Variants in LCORL observed in about 807,000 individuals in gnomAD.
LCORL encodes the protein ligand-dependent nuclear receptor corepressor-like protein.
A neutral mutation model predicts 141.8 loss-of-function variants in LCORL; 41 were observed. The observed-to-expected ratio is 0.29, with a 90% CI of 0.23 to 0.38. The LOEUF (loss-of-function observed/expected upper bound fraction) is 0.38, where lower values mean the gene tolerates loss of function less well. Ranked by LOEUF, LCORL falls within the 10% of genes least tolerant of loss-of-function variation. The probability of loss-of-function intolerance (pLI) is 1.00; values close to 1 mark genes in which losing one functional copy is unlikely to be tolerated. For synonymous variants in LCORL, 618 were observed against 694.1 expected (o/e 0.89, Z 1.72); for missense variants, 1,759 against 2,035.0 (o/e 0.86, Z 2.61).
intron 1 of LCORL, among the ~76,000 whole-genome samples, chr4:17,991,330 G>A (rs1031049158): frequency 2.6e-5 from 4 of 152,020 alleles, no homozygotes; most frequent in Admixed American, 1.3e-4. Context: ...TAAGGAAGGC[G>A]CCTCTAATTA....
At chr4:17,850,041 T>A (rs1392635601) in intron 7 of LCORL, among the ~76,000 whole-genome samples, 2 of 150,950 alleles carry the variant, frequency 1.3e-5, no homozygotes, top group African/African-American at 2.4e-5. Context: ...AGGGATTCCC[T>A]ATTTAATAAA....
exon 8 of LCORL, chr4:17,843,739 CT>C: frequency 5.6e-6 from 1 of 177,044 alleles, no homozygotes; most frequent in Non-Finnish European, 1.2e-5. Context: ...TTATGGAAAA[CT>C]TACAAGTGTA....
intron 4 of LCORL, among the ~76,000 whole-genome samples, chr4:17,956,496 C>T (rs996278059): frequency 3.3e-5 from 5 of 152,002 alleles, no homozygotes; most frequent in African/African-American, 1.2e-4. Flanking sequence ...CTGCCGTTTG[C>T]AGCAAAATGG....
intron 4 of LCORL, among the ~76,000 whole-genome samples, chr4:17,940,761 A>G (rs1202075806): frequency 6.6e-6 from 1 of 150,668 alleles, no homozygotes; most frequent in Non-Finnish European, 1.5e-5. Context: ...TTTTTCAACC[A>G]TTCAAGTTCA....
At chr4:17,910,046 A>T (rs530570942) in intron 4 of LCORL, among the ~76,000 whole-genome samples, 28 of 152,298 alleles carry the variant, frequency 1.8e-4, no homozygotes, top group African/African-American at 6.7e-4. Flanking sequence ...TTCAGCACGG[A>T]TATCCTAAGA....
chr4:17,958,515 T>C (rs1224874384), intron 4 of LCORL, among the ~76,000 whole-genome samples: 2 of 151,896 alleles, frequency 1.3e-5, no homozygotes, highest in African/African-American at 2.4e-5. Flanking sequence ...ATAACTTAGT[T>C]TACATTTCAT....
rs1340562306 is a variant in LCORL at position 17,881,950 on chromosome 4, T to A, written c.777-3737A>T. On this transcript the variant is annotated intron_variant, in intron 6 of 7. Coordinates refer to ENST00000635767, the Ensembl canonical transcript of LCORL. ...AAGATGACCCTGACATCTGCTGTTC[T>A]GTAATCTATTATGTATATTTTCTTG... 4.1e-6 allele frequency: 4 copies of A among 982,924 alleles called. No homozygotes were observed. In the African/African-American group the frequency reaches 7.0e-5, roughly 17 times the overall value. The allele number at this position is 982,924 out of a possible 1,614,324, so 60.9% of individuals were successfully genotyped here. A position where few individuals can be genotyped will look rare whatever the true frequency, so the allele number is the denominator to read the frequency against.
rs527391792 is a variant in LCORL at position 17,882,809 on chromosome 4, T to C, written c.776+3259A>G. 1.8e-5 allele frequency: 18 copies of C among 984,772 alleles called. No homozygotes were observed. The Admixed American group carries it at 8.0e-4, about 44-fold the overall frequency. 61.0% of individuals were successfully genotyped at this position (984,772 alleles called of 1,614,324 possible). On this transcript the variant is annotated intron_variant, in intron 6 of 7. Coordinates refer to ENST00000635767, the Ensembl canonical transcript of LCORL. ...GTCATAACATCAACTAACCAGCACA[T>C]TTAAACCAAAATTATCATTCTCAAG...
intron 5 of LCORL, among the ~76,000 whole-genome samples, chr4:17,903,841 TGTAGA>T (rs1349236954): frequency 2.6e-5 from 4 of 152,144 alleles, no homozygotes; most frequent in South Asian, 2.1e-4. Flanking sequence ...TGAAAAGATT[TGTAGA>T]GTAAACAGAC....
chr4:18,007,807 G>C (rs746812027), intron 1 of LCORL, among the ~76,000 whole-genome samples: 1 of 152,156 alleles, frequency 6.6e-6, no homozygotes, highest in Non-Finnish European at 1.5e-5. Context: ...TGTGGGCTCA[G>C]ACTGTTAAGA....
intron 1 of LCORL, among the ~76,000 whole-genome samples, chr4:17,993,628 T>C (rs1331899557): frequency 1.3e-5 from 2 of 152,228 alleles, no homozygotes; most frequent in African/African-American, 4.8e-5. Flanking sequence ...CTGAGGAGCC[T>C]AGTTATGTTT....
At chr4:17,946,794 T>C (rs1237533580) in intron 4 of LCORL, among the ~76,000 whole-genome samples, 2 of 151,938 alleles carry the variant, frequency 1.3e-5, no homozygotes, top group East Asian at 1.9e-4. Flanking sequence ...CTTTTAAGCA[T>C]GGGAATTACA....
At chr4:17,988,712 C>T (rs113945147) in intron 1 of LCORL, among the ~76,000 whole-genome samples, 2,678 of 152,260 alleles carry the variant, frequency 0.018, 92 homozygotes, top group African/African-American at 0.061. Flanking sequence ...TCTGGCCGGG[C>T]GTGGCAGCTC....
At chr4:17,970,788 T>C (rs1486116729) in intron 2 of LCORL, among the ~76,000 whole-genome samples, 1 of 152,232 alleles carries the variant, frequency 6.6e-6, no homozygotes, top group Non-Finnish European at 1.5e-5. Context: ...GCTATGTTCC[T>C]ATATTCTTGC....
At chr4:17,952,229 T>C (rs1711522158) in intron 4 of LCORL, among the ~76,000 whole-genome samples, 2 of 152,058 alleles carry the variant, frequency 1.3e-5, no homozygotes. Context: ...CAGACGGTAA[T>C]TCAAAAAACA....
intron 4 of LCORL, among the ~76,000 whole-genome samples, chr4:17,955,314 T>C (rs1478673585): frequency 6.6e-6 from 1 of 152,128 alleles, no homozygotes; most frequent in Non-Finnish European, 1.5e-5. Flanking sequence ...CCAGTGAAAT[T>C]GATAAAACAA....
chr4:17,928,269 A>G (rs1366134920), intron 4 of LCORL, among the ~76,000 whole-genome samples: 2 of 152,094 alleles, frequency 1.3e-5, no homozygotes, highest in Non-Finnish European at 2.9e-5. Context: ...TTAGCCAGGC[A>G]TTAGTGATGG....
intron 1 of LCORL, among the ~76,000 whole-genome samples, chr4:18,004,936 T>C (rs1033300284): frequency 4.4e-4 from 67 of 152,044 alleles, no homozygotes; most frequent in African/African-American, 1.6e-3. Context: ...GCTTTTTTTT[T>C]TTTTAGATGG....
chr4:17,931,288 A>G (rs1166168049), intron 4 of LCORL, among the ~76,000 whole-genome samples: 2 of 151,576 alleles, frequency 1.3e-5, no homozygotes, highest in Non-Finnish European at 2.9e-5. Flanking sequence ...TTTTCTATTT[A>G]CTTTTTAGTC....
Sources: gnomAD v4.1 joint callset for allele counts (sites outside exome capture counted in the v4.1 genomes callset) on GRCh38, gnomAD v4.1.1 for gene constraint, MANE v1.5 for transcripts, NCBI Gene and HGNC (gene_info 2026-07-23, HGNC 2026-07-21) for gene names.